Variants in ADAM22 observed in about 807,000 individuals in gnomAD.
ADAM22 encodes disintegrin and metalloproteinase domain-containing protein 22.
In ADAM22, 65 loss-of-function variants were observed where a neutral mutation model predicts 144.6. That is an observed-to-expected ratio of 0.45 (90% CI 0.37 to 0.55). The LOEUF (loss-of-function observed/expected upper bound fraction) is 0.55, where lower values mean the gene tolerates loss of function less well. Among genes scored for constraint, ADAM22 ranks in the 20% least tolerant of loss-of-function variants. ADAM22 has a pLI of 0.00. For missense variants in ADAM22, 974 were observed against 1,184.9 expected (o/e 0.82, Z 2.61); for synonymous variants, 391 against 412.6 (o/e 0.95, Z 0.63).
At chr7:87,946,842 G>GT (rs1258704269) in intron 2 of ADAM22, among the ~76,000 whole-genome samples, 5 of 152,144 alleles carry the variant, frequency 3.3e-5, no homozygotes, top group African/African-American at 1.2e-4. Context: ...AGAAAATGTG[G>GT]TACATATATA....
intron 3 of ADAM22, among the ~76,000 whole-genome samples, chr7:88,071,421 C>A (rs1291058320): frequency 7.0e-6 from 1 of 141,972 alleles, no homozygotes; most frequent in East Asian, 2.0e-4. Flanking sequence ...TTTAGTGTCT[C>A]CATTTTAAAC....
chr7:88,126,268 T>G (rs760570518), intron 8 of ADAM22, among the ~76,000 whole-genome samples: 47 of 151,964 alleles, frequency 3.1e-4, no homozygotes, highest in Non-Finnish European at 6.0e-4. Flanking sequence ...CTTACTCGAA[T>G]CATAGAGCTG....
At chr7:88,082,115 T>C (rs1242420141) in intron 4 of ADAM22, among the ~76,000 whole-genome samples, 1 of 151,996 alleles carries the variant, frequency 6.6e-6, no homozygotes, top group Non-Finnish European at 1.5e-5. Context: ...ACCAAAACAG[T>C]ATGGTACTGG....
intron 3 of ADAM22, among the ~76,000 whole-genome samples, chr7:88,020,523 G>T (rs1210425869): frequency 6.6e-6 from 1 of 152,128 alleles, no homozygotes; most frequent in East Asian, 1.9e-4. Flanking sequence ...GGCAACTTTT[G>T]TCTTGGTTTG....
chr7:88,010,662 C>G (rs1584999224), intron 3 of ADAM22, among the ~76,000 whole-genome samples: 1 of 152,286 alleles, frequency 6.6e-6, no homozygotes, highest in African/African-American at 2.4e-5. Context: ...GTGCCCACCT[C>G]AACTTTTCCG....
intron 2 of ADAM22, among the ~76,000 whole-genome samples, chr7:87,953,564 A>G (rs1269664808): frequency 1.3e-5 from 2 of 152,114 alleles, no homozygotes; most frequent in Non-Finnish European, 2.9e-5. Flanking sequence ...ACTTCCAACT[A>G]TGTGGTCAAT....
Position 87,935,147 on chromosome 7 carries a change from G to T in ADAM22, c.207G>T (p.Ala69=), listed in dbSNP as rs967779014. ...SGGEDESRHD[A]LDTRVRGDLG... is the part of the protein sequence containing the mutation. ...GCGAAGACGAAAGTCGGCACGACGC[G>T]CTCGACACGCGGGTGCGGGGCGACC... Residue 69 remains alanine (A), a synonymous_variant, in exon 2 of 32, where the codon GCG becomes GCT. Transcript: ENST00000413139. The T allele has an allele frequency of 3.1e-6, 5 of 1,612,668 alleles. No homozygotes were observed. The highest frequency in any genetic ancestry group is 4.2e-6 in the Non-Finnish European group (5 of 1,179,464).
At chr7:88,073,393 G>A (rs1189916234) in intron 3 of ADAM22, among the ~76,000 whole-genome samples, 1 of 152,146 alleles carries the variant, frequency 6.6e-6, no homozygotes, top group Non-Finnish European at 1.5e-5. Context: ...CCATGCTGAG[G>A]GCAGAGCAGA....
In ADAM22 at chr7:87,982,693, AT is replaced by A. The variant is rs1562916676; in HGVS notation, c.323+4282del. 5.6e-4 allele frequency among the ~76,000 whole-genome samples: 41 copies of A among 72,692 alleles called. 4 individuals carry two copies. Among genetic ancestry groups the A allele is most frequent in the South Asian group, 2.1e-3 (6 of 2,918 alleles). 47.7% of individuals were successfully genotyped at this position (72,692 alleles called of 152,430 possible). ...TACATATATATATATATATATATAT[AT>A]ATATAATTTTTTTTTTTGAGATACA... On this transcript the variant is annotated intron_variant, in intron 3 of 31. Coordinates refer to ENST00000413139, the MANE Select transcript of ADAM22 (RefSeq NM_001324418.2).
At chr7:87,953,989 T>G (rs1433647836) in intron 2 of ADAM22, among the ~76,000 whole-genome samples, 6 of 152,244 alleles carry the variant, frequency 3.9e-5, no homozygotes, top group South Asian at 4.2e-4. Flanking sequence ...GTTTTCCATT[T>G]GCTTGGTAGA....
At chr7:88,108,745 GAAA>G (rs1825210041) in intron 5 of ADAM22, among the ~76,000 whole-genome samples, 1 of 150,060 alleles carries the variant, frequency 6.7e-6, no homozygotes, top group East Asian at 2.0e-4. Flanking sequence ...AATAAAGAAA[GAAA>G]GAAAGAAAGA....
intron 3 of ADAM22, among the ~76,000 whole-genome samples, chr7:88,061,396 G>T (rs13437756): frequency 2.6e-5 from 4 of 152,038 alleles, no homozygotes; most frequent in Non-Finnish European, 4.4e-5. Context: ...CAGAGGAATC[G>T]CTATCTATGG....
chr7:87,971,497 A>G (rs925840905), intron 2 of ADAM22, among the ~76,000 whole-genome samples: 1 of 152,170 alleles, frequency 6.6e-6, no homozygotes, highest in African/African-American at 2.4e-5. Context: ...GAATCTCTCA[A>G]TATTATTCTG....
chr7:88,061,969 A>G (rs1212337240), intron 3 of ADAM22, among the ~76,000 whole-genome samples: 2 of 151,610 alleles, frequency 1.3e-5, no homozygotes, highest in African/African-American at 4.8e-5. Context: ...AGCCTCCCAA[A>G]TAGCTTGGAC....
intron 1 of ADAM22, 109 bp from the exon 2 acceptor site, chr7:87,934,917 G>T: frequency 6.7e-7 from 1 of 1,482,394 alleles, no homozygotes; most frequent in South Asian, 1.2e-5. Context: ...AGGGGGCGGT[G>T]GGGATTTTCG....
chr7:87,982,107 A>G (rs1252076030), intron 3 of ADAM22, among the ~76,000 whole-genome samples: 6 of 125,034 alleles, frequency 4.8e-5, no homozygotes, highest in Non-Finnish European at 9.3e-5. Context: ...ACACACACAC[A>G]CATGCATACA....
At chr7:87,959,334 G>A (rs775037242) in intron 2 of ADAM22, among the ~76,000 whole-genome samples, 3 of 152,114 alleles carry the variant, frequency 2.0e-5, no homozygotes, top group Non-Finnish European at 4.4e-5. Flanking sequence ...CTGTAGCTGG[G>A]CGTTTGGCAT....
At chr7:88,068,370 A>T (rs183868838) in intron 3 of ADAM22, among the ~76,000 whole-genome samples, 1 of 152,146 alleles carries the variant, frequency 6.6e-6, no homozygotes, top group Non-Finnish European at 1.5e-5. Context: ...AGAGGTTTTC[A>T]TAGTTTAAAG....
At chr7:88,110,273 C>T (rs149706662) in intron 5 of ADAM22, among the ~76,000 whole-genome samples, 1 of 152,096 alleles carries the variant, frequency 6.6e-6, no homozygotes, top group Non-Finnish European at 1.5e-5. Flanking sequence ...CATCTGTCAC[C>T]TAGGAATAGT....
Sources: allele counts gnomAD v4.1 joint callset (sites outside exome capture counted in the v4.1 genomes callset), GRCh38; gene constraint gnomAD v4.1.1; transcripts MANE v1.5; gene names NCBI Gene and HGNC (gene_info 2026-07-23, HGNC 2026-07-21).